The following VWC2L variants were observed in gnomAD, a reference collection of about 807,000 sequenced individuals.
VWC2L encodes the protein von Willebrand factor C domain-containing protein 2-like.
In VWC2L, 10 loss-of-function variants were observed where a neutral mutation model predicts 21.6. The ratio of observed to expected loss-of-function variants is 0.46; its 90% CI spans 0.29 to 0.78. The LOEUF is 0.78. Among genes scored for constraint, VWC2L ranks in the 30% least tolerant of loss-of-function variants. VWC2L has a pLI of 0.10. For synonymous variants in VWC2L, 96 were observed against 94.3 expected, an observed-to-expected ratio of 1.02 and a Z score of -0.10; for missense variants, 209 against 277.1, an observed-to-expected ratio of 0.75 and a Z score of 1.74.
intron 3 of VWC2L, among the ~76,000 whole-genome samples, chr2:214,515,467 G>C (rs1191814473): frequency 6.6e-6 from 1 of 152,176 alleles, no homozygotes; most frequent in African/African-American, 2.4e-5. Context: ...GCCTTAAAGG[G>C]ACAGCTGCTT....
chr2:214,473,410 C>T (rs1357961968), intron 3 of VWC2L, among the ~76,000 whole-genome samples: 1 of 152,106 alleles, frequency 6.6e-6, no homozygotes, highest in African/African-American at 2.4e-5. Flanking sequence ...GTGGCTGGCT[C>T]GCTTCCAAGT....
chr2:214,506,502 T>C (rs539450937), intron 3 of VWC2L, among the ~76,000 whole-genome samples: 1 of 152,306 alleles, frequency 6.6e-6, no homozygotes, highest in South Asian at 2.1e-4. Context: ...CTGTTGGGAC[T>C]ACAAATTGTA....
At position 214,414,568 on chromosome 2, in the gene VWC2L, C is replaced by A; in HGVS notation, c.375C>A (p.Ile125=). The change falls in exon 2 of 4, where the codon ATC becomes ATA. Residue 125 remains isoleucine (I), a synonymous_variant. Transcript: ENST00000312504. The stretch of plus-strand genomic sequence containing the variant: ...AATATCACGGGAAAAATTACAAAAT[C>A]TTGGAGGAATTTAAGGTATGCGTTA... The part of the protein sequence containing the change: ...FCEYHGKNYK[I]LEEFKPSPCE... 6.2e-7 allele frequency: 1 copy of A among 1,612,974 alleles called. No homozygotes were observed. The highest frequency in any genetic ancestry group is 1.1e-5 in the South Asian group (1 of 90,938).
At chr2:214,421,161 A>G (rs926957748) in intron 2 of VWC2L, among the ~76,000 whole-genome samples, 2 of 152,220 alleles carry the variant, frequency 1.3e-5, no homozygotes, top group Non-Finnish European at 2.9e-5. Flanking sequence ...AAAGTACACT[A>G]AAAGTTTTTT....
chr2:214,545,273 G>A (rs1221900810), intron 3 of VWC2L, among the ~76,000 whole-genome samples: 4 of 152,072 alleles, frequency 2.6e-5, no homozygotes, highest in African/African-American at 4.8e-5. Flanking sequence ...TGTTATATCC[G>A]CGTGCACCCT....
At chr2:214,547,376 A>G (rs1276483934) in intron 3 of VWC2L, among the ~76,000 whole-genome samples, 1 of 152,142 alleles carries the variant, frequency 6.6e-6, no homozygotes, top group Non-Finnish European at 1.5e-5. Flanking sequence ...CTAGATTCCT[A>G]TAACCTGGAG....
chr2:214,455,172 G>A (rs1281198370), intron 3 of VWC2L, among the ~76,000 whole-genome samples: 1 of 152,088 alleles, frequency 6.6e-6, no homozygotes, highest in African/African-American at 2.4e-5. Context: ...TATGTTAAAT[G>A]TTTGATAGAA....
At chr2:214,490,910 C>T (rs1044427305) in intron 3 of VWC2L, among the ~76,000 whole-genome samples, 3 of 152,118 alleles carry the variant, frequency 2.0e-5, no homozygotes, top group African/African-American at 2.4e-5. Context: ...TTGGAAACAC[C>T]GTGCTAAATG....
At chr2:214,567,728 G>A (rs1368546599) in intron 3 of VWC2L, among the ~76,000 whole-genome samples, 2 of 151,974 alleles carry the variant, frequency 1.3e-5, no homozygotes, top group African/African-American at 4.8e-5. Context: ...TGGACTTCTG[G>A]GATGGAGCAC....
intron 3 of VWC2L, among the ~76,000 whole-genome samples, chr2:214,451,526 G>T (rs2126184854): frequency 6.6e-6 from 1 of 152,224 alleles, no homozygotes; most frequent in East Asian, 1.9e-4. Context: ...AGTGGAAATA[G>T]GTGGGAGATA....
At chr2:214,557,827 G>C (rs948003016) in intron 3 of VWC2L, among the ~76,000 whole-genome samples, 35 of 152,196 alleles carry the variant, frequency 2.3e-4, no homozygotes, top group African/African-American at 7.5e-4. Flanking sequence ...AGGTACTCTA[G>C]TCTCCCTAGC....
At chr2:214,540,338 C>T (rs989709962) in intron 3 of VWC2L, among the ~76,000 whole-genome samples, 1 of 152,096 alleles carries the variant, frequency 6.6e-6, no homozygotes, top group Non-Finnish European at 1.5e-5. Flanking sequence ...AAATTGAGGA[C>T]ACTGAAGCTC....
At chr2:214,417,484 A>G (rs1229304872) in intron 2 of VWC2L, among the ~76,000 whole-genome samples, 4 of 152,220 alleles carry the variant, frequency 2.6e-5, no homozygotes, top group East Asian at 1.9e-4. Context: ...TGCTAACCCT[A>G]TACATCTTGT....
intron 2 of VWC2L, among the ~76,000 whole-genome samples, chr2:214,416,414 A>G (rs1702356085): frequency 6.6e-6 from 1 of 152,058 alleles, no homozygotes; most frequent in African/African-American, 2.4e-5. Flanking sequence ...ATTAATATGC[A>G]CAGCTTTTTC....
chr2:214,484,040 T>C (rs1688642870), intron 3 of VWC2L, among the ~76,000 whole-genome samples: 1 of 152,134 alleles, frequency 6.6e-6, no homozygotes, highest in Admixed American at 6.6e-5. Context: ...TCTTTGGTGT[T>C]CCTTGGCTTG....
chr2:214,460,731 C>A (rs1703128265), intron 3 of VWC2L, among the ~76,000 whole-genome samples: 1 of 152,078 alleles, frequency 6.6e-6, no homozygotes, highest in Non-Finnish European at 1.5e-5. Context: ...AACTTAATAT[C>A]ATTATTTTAA....
intron 3 of VWC2L, among the ~76,000 whole-genome samples, chr2:214,573,773 C>A (rs1478556886): frequency 6.6e-6 from 1 of 152,190 alleles, no homozygotes; most frequent in Non-Finnish European, 1.5e-5. Flanking sequence ...TGACTTAAAT[C>A]CCAAGACCTA....
chr2:214,422,398 T>C (rs149167825), intron 2 of VWC2L, among the ~76,000 whole-genome samples: 2 of 152,344 alleles, frequency 1.3e-5, no homozygotes, highest in African/African-American at 2.4e-5. Flanking sequence ...TGTTCCTTCT[T>C]CTTAATCCCC....
intron 2 of VWC2L, among the ~76,000 whole-genome samples, chr2:214,427,954 G>C (rs540177718): frequency 1.6e-4 from 24 of 152,208 alleles, no homozygotes; most frequent in African/African-American, 5.8e-4. Flanking sequence ...TGAATCCATG[G>C]ATATGAAACC....
Sources: allele counts gnomAD v4.1 joint callset (sites outside exome capture counted in the v4.1 genomes callset), GRCh38; gene constraint gnomAD v4.1.1; transcripts MANE v1.5; gene names NCBI Gene and HGNC (gene_info 2026-07-23, HGNC 2026-07-21).